MTHFD1L: variants seen among roughly 807,000 people sequenced by gnomAD.
MTHFD1L encodes the protein methylenetetrahydrofolate dehydrogenase (NADP+ dependent) 1 like.
In MTHFD1L, 81 loss-of-function variants were observed where a neutral mutation model predicts 119.5. The ratio of observed to expected loss-of-function variants is 0.68; its 90% CI spans 0.57 to 0.82. The LOEUF (loss-of-function observed/expected upper bound fraction) is 0.82, where lower values mean the gene tolerates loss of function less well. Ranked by LOEUF, MTHFD1L falls within the 40% of genes least tolerant of loss-of-function variation. MTHFD1L has a pLI of 0.00. For missense variants in MTHFD1L, 1,125 were observed against 1,253.4 expected (o/e 0.90, Z 1.55); for synonymous variants, 430 against 475.2 (o/e 0.90, Z 1.24).
At chr6:150,895,613 GTTTTTTT>G (rs10630027) in intron 7 of MTHFD1L, among the ~76,000 whole-genome samples, 1 of 134,464 alleles carries the variant, frequency 7.4e-6, no homozygotes, top group Non-Finnish European at 1.6e-5. Flanking sequence ...GTTTTTTGTG[GTTTTTTT>G]TTTTTTTTTT....
At chr6:150,944,898 G>T (rs1357167886) in intron 14 of MTHFD1L, among the ~76,000 whole-genome samples, 4 of 152,182 alleles carry the variant, frequency 2.6e-5, no homozygotes, top group Admixed American at 6.5e-5. Flanking sequence ...CTTCATTCTG[G>T]TCATAGGTCC....
chr6:151,049,246 C>G (rs1040161193), intron 26 of MTHFD1L, among the ~76,000 whole-genome samples: 14 of 152,190 alleles, frequency 9.2e-5, no homozygotes. Context: ...AATCCCGGCA[C>G]TTTGGGAGGC....
intron 8 of MTHFD1L, among the ~76,000 whole-genome samples, chr6:150,910,568 A>G (rs888172783): frequency 1.3e-5 from 2 of 152,096 alleles, no homozygotes; most frequent in Non-Finnish European, 2.9e-5. Context: ...AAAAAAAAAA[A>G]AAAGAAATTC....
chr6:151,050,318 A>G (rs1193465047), intron 26 of MTHFD1L, among the ~76,000 whole-genome samples: 2 of 152,136 alleles, frequency 1.3e-5, no homozygotes, highest in Admixed American at 1.3e-4. Context: ...ATCCACCATC[A>G]TGCCTGGCTA....
rs1170553631 is a variant in MTHFD1L at position 151,043,258 on chromosome 6, CTTTTTTT to C, written c.2847+6159_2847+6165del. ...CTTCTTTCTTCTCACAGTGTTTTCT[CTTTTTTT>C]TTTTTTTTTTTTTTTTTGAGACAGA... On this transcript the variant is annotated intron_variant, in intron 26 of 27. Coordinates refer to ENST00000367321, the MANE Select transcript of MTHFD1L (RefSeq NM_015440.5). Among the ~76,000 whole-genome samples, 59 of 78,884 alleles carry C rather than the reference CTTTTTTT, an allele frequency of 7.5e-4. 1 individual carries two copies. Among genetic ancestry groups the C allele is most frequent in the Non-Finnish European group, 1.1e-3 (51 of 44,628 alleles). 51.8% of individuals were successfully genotyped at this position (78,884 alleles called of 152,430 possible). A position where few individuals can be genotyped will look rare whatever the true frequency, so the allele number is the denominator to read the frequency against.
intron 21 of MTHFD1L, 21 bp from the exon 22 acceptor site, chr6:151,013,758 T>C: frequency 6.2e-7 from 1 of 1,604,122 alleles, no homozygotes; most frequent in Non-Finnish European, 8.5e-7. Flanking sequence ...TTATTCTTCA[T>C]GTTTTCTCTC....
At chr6:150,890,208 A>G (rs1171130665) in intron 7 of MTHFD1L, among the ~76,000 whole-genome samples, 1 of 152,156 alleles carries the variant, frequency 6.6e-6, no homozygotes, top group Non-Finnish European at 1.5e-5. Context: ...ATATATATAT[A>G]TAATAGACAA....
chr6:151,068,636 C>G (rs1011847432), intron 26 of MTHFD1L, among the ~76,000 whole-genome samples: 1 of 152,050 alleles, frequency 6.6e-6, no homozygotes, highest in Admixed American at 6.6e-5. Flanking sequence ...TATACATAGC[C>G]CAATTACTTT....
intron 18 of MTHFD1L, among the ~76,000 whole-genome samples, chr6:150,964,756 T>C (rs1327852975): frequency 6.6e-6 from 1 of 152,226 alleles, no homozygotes; most frequent in Non-Finnish European, 1.5e-5. Flanking sequence ...CAAAATGCTA[T>C]TACCCCATCA....
chr6:150,930,058 C>T (rs9397369), intron 11 of MTHFD1L, among the ~76,000 whole-genome samples: 36,010 of 152,006 alleles, frequency 0.24, 4,757 homozygotes, highest in African/African-American at 0.34. Flanking sequence ...TATCTAATCC[C>T]TTAATAGCTG....
chr6:150,892,190 C>T (rs1047331789), intron 7 of MTHFD1L, among the ~76,000 whole-genome samples: 2 of 152,180 alleles, frequency 1.3e-5, no homozygotes, highest in Non-Finnish European at 2.9e-5. Flanking sequence ...TAAACCGTGC[C>T]CTGCACTGAA....
At chr6:150,945,699 GCA>G (rs1793816983) in intron 15 of MTHFD1L, among the ~76,000 whole-genome samples, 158 bp downstream of exon 15, 1 of 152,174 alleles carries the variant, frequency 6.6e-6, no homozygotes, top group East Asian at 1.9e-4. Flanking sequence ...AGCAGAGAGA[GCA>G]CAGTGTTGGA....
intron 20 of MTHFD1L, among the ~76,000 whole-genome samples, chr6:150,998,822 CA>C (rs72203332): frequency 0.23 from 23,202 of 100,946 alleles, 2,016 homozygotes; most frequent in Middle Eastern, 0.34. Flanking sequence ...TCTAAAAATA[CA>C]AAAAAAAAAA....
rs1252305117 is a variant in MTHFD1L, at chr6:150,994,078, A to AAGAAAGAAAGAAAG, written c.2126-15740_2126-15739insGAAAGAAAGAAAGA. ...AACAACAACAGTAAAAAAAAAAAAAAAAGAAAGAAAGAAAGAAAGTGACCC... is the reference window on the plus strand; with the variant it reads ...AACAACAACAGTAAAAAAAAAAAAAAAGAAAGAAAGAAAGAAGAAAGAAAGAAAGAAAGTGACCC... On this transcript the variant is annotated intron_variant, in intron 20 of 27. Coordinates refer to ENST00000367321, the MANE Select transcript of MTHFD1L (RefSeq NM_015440.5). Among the ~76,000 whole-genome samples the AAGAAAGAAAGAAAG allele has an allele frequency of 3.3e-4, 39 of 118,064 alleles. 1 individual carries two copies. Among genetic ancestry groups the AAGAAAGAAAGAAAG allele is most frequent in the African/African-American group, 1.6e-3 (32 of 19,674 alleles). The allele number at this position is 118,064 out of a possible 152,430, so 77.5% of individuals were successfully genotyped here.
chr6:151,066,437 C>CAAAAAA (rs35065800), intron 26 of MTHFD1L, among the ~76,000 whole-genome samples: 5 of 50,704 alleles, frequency 9.9e-5, no homozygotes, highest in South Asian at 1.1e-3. Flanking sequence ...GACTCCATCT[C>CAAAAAA]AAAAAAAAAA....
At chr6:151,015,102 T>G in intron 23 of MTHFD1L, 122 bp downstream of exon 23, 1 of 720,340 alleles carries the variant, frequency 1.4e-6, no homozygotes, top group Non-Finnish European at 2.2e-6. Flanking sequence ...AAATACCCAG[T>G]TCTTTCTGTT....
At chr6:151,066,857 C>T (rs1186933633) in intron 26 of MTHFD1L, among the ~76,000 whole-genome samples, 2 of 152,140 alleles carry the variant, frequency 1.3e-5, no homozygotes, top group Non-Finnish European at 2.9e-5. Context: ...AACCTGGGTC[C>T]TGTCAAGGAT....
At chr6:150,894,421 C>T (rs1783875003) in intron 7 of MTHFD1L, among the ~76,000 whole-genome samples, 1 of 152,096 alleles carries the variant, frequency 6.6e-6, no homozygotes, top group Non-Finnish European at 1.5e-5. Context: ...GGGAGTGAAA[C>T]CAGAAGCAAG....
chr6:150,921,425 T>C (rs1329424960), intron 9 of MTHFD1L, among the ~76,000 whole-genome samples: 1 of 152,114 alleles, frequency 6.6e-6, no homozygotes, highest in Non-Finnish European at 1.5e-5. Context: ...CTAATTTTTG[T>C]ATTTTTAGTA....
Sources: allele counts gnomAD v4.1 joint callset (sites outside exome capture counted in the v4.1 genomes callset), GRCh38; gene constraint gnomAD v4.1.1; transcripts MANE v1.5; gene names NCBI Gene and HGNC (gene_info 2026-07-23, HGNC 2026-07-21).